Variants in GABBR2 observed in about 807,000 individuals in gnomAD.
GABBR2 encodes gamma-aminobutyric acid type B receptor subunit 2.
GABBR2 carries 23 observed loss-of-function variants against 105.6 expected under a neutral mutation model. The ratio of observed to expected loss-of-function variants is 0.22; its 90% CI spans 0.16 to 0.31. The LOEUF is 0.31. Ranked by LOEUF, GABBR2 falls within the 10% of genes least tolerant of loss-of-function variation. The pLI is 1.00. For missense variants in GABBR2, 734 were observed against 1,245.5 expected, an observed-to-expected ratio of 0.59 and a Z score of 6.18; for synonymous variants, 478 against 499.7, an observed-to-expected ratio of 0.96 and a Z score of 0.58.
At chr9:98,400,282 ATC>A (rs1234527303) in intron 8 of GABBR2, among the ~76,000 whole-genome samples, 1 of 152,058 alleles carries the variant, frequency 6.6e-6, no homozygotes. Context: ...AGAAAGAAAT[ATC>A]CAAACTCATT....
At chr9:98,305,631 A>G (rs1174558782) in intron 15 of GABBR2, among the ~76,000 whole-genome samples, 2 of 152,236 alleles carry the variant, frequency 1.3e-5, no homozygotes, top group African/African-American at 4.8e-5. Flanking sequence ...CTTGGGCAAC[A>G]TAGGGAGACC....
chr9:98,567,159 G>A (rs1828764102), intron 2 of GABBR2, among the ~76,000 whole-genome samples: 1 of 152,218 alleles, frequency 6.6e-6, no homozygotes, highest in African/African-American at 2.4e-5. Flanking sequence ...TCCCAGAAAA[G>A]GGTTGAAGTG....
chr9:98,623,487 G>T (rs1364443370), intron 1 of GABBR2, among the ~76,000 whole-genome samples: 1 of 152,214 alleles, frequency 6.6e-6, no homozygotes, highest in East Asian at 1.9e-4. Flanking sequence ...TTGTCTTACA[G>T]TTTTGAAGGC....
chr9:98,708,816 C>A lies in GABBR2; in HGVS notation c.-79G>T, dbSNP rs1177347976. 1.2e-6 allele frequency: 1 copy of A among 846,280 alleles called. No homozygotes were observed. Among genetic ancestry groups the A allele is most frequent in the Non-Finnish European group, 1.4e-6 (1 of 704,636 alleles). The allele number at this position is 846,280 out of a possible 1,614,324, so 52.4% of individuals were successfully genotyped here. On this transcript the variant is annotated 5_prime_UTR_variant, in exon 1 of 19. Transcript: ENST00000259455. ...GCCCGCCGCCCCGCGCCAAGGTCTT[C>A]CCGCGGCGCCCGCGCAATGGCGCCG... is the stretch of plus-strand genomic sequence containing the variant.
At chr9:98,495,477 A>G (rs1332257316) in intron 4 of GABBR2, among the ~76,000 whole-genome samples, 1 of 152,156 alleles carries the variant, frequency 6.6e-6, no homozygotes, top group African/African-American at 2.4e-5. Flanking sequence ...GCACCTGCTT[A>G]CAAACCTCCA....
intron 1 of GABBR2, among the ~76,000 whole-genome samples, chr9:98,702,356 C>T (rs1830841311): frequency 6.6e-6 from 1 of 152,080 alleles, no homozygotes; most frequent in African/African-American, 2.4e-5. Flanking sequence ...TTCTTCACAA[C>T]ACCCTCTCCT....
chr9:98,620,067 TGG>T lies in GABBR2; in HGVS notation c.322-41997_322-41996del, dbSNP rs567367839. ...CCGTGAGATAGTACATGTGGATGTC[TGG>T]CCCAGAGCCTGGCCCACAGGAGGCA... is the stretch of plus-strand genomic sequence containing the variant. On this transcript the variant is annotated intron_variant, in intron 1 of 18. Transcript: ENST00000259455. Among the ~76,000 whole-genome samples the T allele has an allele frequency of 1.1e-3, 171 of 152,336 alleles. 1 individual carries two copies. In the Middle Eastern group the frequency reaches 0.014, roughly 12 times the overall value.
At chr9:98,324,949 C>A (rs984871237) in intron 13 of GABBR2, among the ~76,000 whole-genome samples, 1 of 152,204 alleles carries the variant, frequency 6.6e-6, no homozygotes, top group Admixed American at 6.5e-5. Context: ...TATACACACA[C>A]ACGCACACAC....
rs114157302 is a variant in GABBR2, at chr9:98,427,238, A to C, written c.1237-21097T>G. Reference sequence around the variant, plus strand: ...GGTCAGGAGAAGCTGGGGAAGATGAATCAATGAACCACTTGGGTTCTCTCC... The same window carrying C: ...GGTCAGGAGAAGCTGGGGAAGATGACTCAATGAACCACTTGGGTTCTCTCC... On this transcript the variant is annotated intron_variant, in intron 7 of 18. Coordinates refer to ENST00000259455, the MANE Select transcript of GABBR2 (RefSeq NM_005458.8). 5.7e-3 allele frequency among the ~76,000 whole-genome samples: 873 copies of C among 152,202 alleles called. 9 individuals carry two copies. The highest frequency in any genetic ancestry group is 0.02 in the African/African-American group (827 of 41,522).
intron 1 of GABBR2, among the ~76,000 whole-genome samples, chr9:98,628,508 A>G (rs1829776339): frequency 6.6e-6 from 1 of 152,154 alleles, no homozygotes; most frequent in South Asian, 2.1e-4. Context: ...TTGCTGTGAA[A>G]TTGCCCATTT....
intron 1 of GABBR2, among the ~76,000 whole-genome samples, chr9:98,705,480 A>T (rs1487615767): frequency 6.6e-6 from 1 of 152,244 alleles, no homozygotes; most frequent in Non-Finnish European, 1.5e-5. Context: ...GTCACTGGCC[A>T]TTGAGGCCAC....
intron 7 of GABBR2, among the ~76,000 whole-genome samples, chr9:98,450,020 A>T (rs1438970086): frequency 6.6e-6 from 1 of 152,214 alleles, no homozygotes; most frequent in African/African-American, 2.4e-5. Flanking sequence ...ACATTTCTTC[A>T]TCCATATGCC....
chr9:98,445,459 T>C (rs1826109314), intron 7 of GABBR2, among the ~76,000 whole-genome samples: 1 of 152,220 alleles, frequency 6.6e-6, no homozygotes, highest in Admixed American at 6.5e-5. Flanking sequence ...TAAATACACA[T>C]GGGTGTCTTA....
intron 8 of GABBR2, among the ~76,000 whole-genome samples, chr9:98,405,769 A>G (rs1385688578): frequency 6.6e-6 from 1 of 152,240 alleles, no homozygotes; most frequent in African/African-American, 2.4e-5. Context: ...AATAACGACA[A>G]GAAAAAAAAG....
At chr9:98,457,678 T>G (rs1826350156) in intron 6 of GABBR2, among the ~76,000 whole-genome samples, 1 of 152,070 alleles carries the variant, frequency 6.6e-6, no homozygotes, top group South Asian at 2.1e-4. Context: ...CCCTGAAAGG[T>G]GACCTCAGTT....
intron 7 of GABBR2, among the ~76,000 whole-genome samples, chr9:98,422,365 G>A (rs117092509): frequency 6.6e-6 from 1 of 152,284 alleles, no homozygotes; most frequent in East Asian, 1.9e-4. Flanking sequence ...ACAGGAGCAG[G>A]CATTCAGGAC....
At chr9:98,512,243 T>C (rs973368693) in intron 3 of GABBR2, among the ~76,000 whole-genome samples, 1 of 131,256 alleles carries the variant, frequency 7.6e-6, no homozygotes, top group Non-Finnish European at 1.7e-5. Context: ...AATTAGGTAT[T>C]GATGGGACGT....
chr9:98,662,277 T>G (rs900942820), intron 1 of GABBR2, among the ~76,000 whole-genome samples: 2 of 152,120 alleles, frequency 1.3e-5, no homozygotes, highest in African/African-American at 4.8e-5. Context: ...TTGTTCAAAC[T>G]TTCACCATGG....
At chr9:98,303,570 G>A (rs149633238) in intron 15 of GABBR2, 147 bp from the exon 16 acceptor site, 7 of 692,980 alleles carry the variant, frequency 1.0e-5, no homozygotes, top group South Asian at 3.7e-5. Context: ...GGAGACCTAG[G>A]CTCAGGCCAG....
Sources: allele counts gnomAD v4.1 joint callset (sites outside exome capture counted in the v4.1 genomes callset), GRCh38; gene constraint gnomAD v4.1.1; transcripts MANE v1.5; gene names NCBI Gene and HGNC (gene_info 2026-07-23, HGNC 2026-07-21).